VAT1L: variants seen among roughly 807,000 people sequenced by gnomAD.
VAT1L encodes putative NADPH-dependent quinone oxidoreductase VAT1L.
In VAT1L, 34 loss-of-function variants were observed where a neutral mutation model predicts 44.1. The observed-to-expected ratio is 0.77, with a 90% CI of 0.59 to 1.03. The LOEUF is 1.03. Ranked by LOEUF, VAT1L falls within the 50% of genes least tolerant of loss-of-function variation. The pLI is 0.00. For synonymous variants in VAT1L, 253 were observed against 202.2 expected (o/e 1.25, Z -2.13); for missense variants, 615 against 538.8 (o/e 1.14, Z -1.40).
intron 3 of VAT1L, among the ~76,000 whole-genome samples, chr16:77,852,847 A>C (rs1027335147): frequency 6.6e-6 from 1 of 152,166 alleles, no homozygotes; most frequent in African/African-American, 2.4e-5. Context: ...GTGTGACTGT[A>C]GGCTGTTACC....
intron 7 of VAT1L, among the ~76,000 whole-genome samples, chr16:77,946,951 C>T (rs2017975634): frequency 1.3e-5 from 2 of 152,206 alleles, no homozygotes; most frequent in African/African-American, 4.8e-5. Flanking sequence ...GGCAACACCT[C>T]CCTCAACCCC....
intron 4 of VAT1L, among the ~76,000 whole-genome samples, chr16:77,870,183 A>G (rs1236818545): frequency 6.6e-6 from 1 of 152,180 alleles, no homozygotes; most frequent in Non-Finnish European, 1.5e-5. Context: ...GGCACTCTGT[A>G]AGAAGCCTAC....
At chr16:77,892,613 G>T in intron 7 of VAT1L, 2 of 678,564 alleles carry the variant, frequency 2.9e-6, no homozygotes, top group South Asian at 1.4e-5. Flanking sequence ...GTGTCAAGGT[G>T]GTGACTTCAC....
intron 7 of VAT1L, among the ~76,000 whole-genome samples, chr16:77,945,483 T>C (rs2017949913): frequency 6.6e-6 from 1 of 151,886 alleles, no homozygotes; most frequent in South Asian, 2.1e-4. Flanking sequence ...TGAGACAGGC[T>C]CTTACTGTGT....
Position 77,948,817 on chromosome 16 carries a change from A to T in VAT1L, c.1078-23033A>T, listed in dbSNP as rs913390465. Among the ~76,000 whole-genome samples, 3 of 152,166 alleles carry T rather than the reference A, an allele frequency of 2.0e-5. No individual in the cohort carries two copies. The East Asian group carries it at 5.8e-4, about 29-fold the overall frequency. Reference sequence around the variant, plus strand: ...AGGTTAATTAATGTCCCTAATGTTCATCTTCTACATATGTAACATGAGGAT... The same window carrying T: ...AGGTTAATTAATGTCCCTAATGTTCTTCTTCTACATATGTAACATGAGGAT... On this transcript the variant is annotated intron_variant, in intron 7 of 8. Coordinates refer to ENST00000302536, the MANE Select transcript of VAT1L (RefSeq NM_020927.3).
At chr16:77,849,966 T>C (rs1382254716) in intron 3 of VAT1L, among the ~76,000 whole-genome samples, 1 of 152,210 alleles carries the variant, frequency 6.6e-6, no homozygotes, top group African/African-American at 2.4e-5. Flanking sequence ...AATGGAATTG[T>C]TGATCACATC....
intron 8 of VAT1L, among the ~76,000 whole-genome samples, chr16:77,972,765 G>C (rs2018294172): frequency 6.6e-6 from 1 of 151,280 alleles, no homozygotes; most frequent in African/African-American, 2.4e-5. Flanking sequence ...TGGGGGACTA[G>C]AATGAGACTG....
At chr16:77,909,816 T>C (rs535803767) in intron 7 of VAT1L, among the ~76,000 whole-genome samples, 1 of 152,222 alleles carries the variant, frequency 6.6e-6, no homozygotes, top group Admixed American at 6.5e-5. Flanking sequence ...GACCTGGGAT[T>C]TGAACCGACA....
At chr16:77,959,654 A>G (rs57738355) in intron 7 of VAT1L, among the ~76,000 whole-genome samples, 13,431 of 152,148 alleles carry the variant, frequency 0.088, 684 homozygotes, top group African/African-American at 0.13. Context: ...AAGTGCTGTC[A>G]TTTGTACCCT....
At chr16:77,956,786 C>T (rs1025993238) in intron 7 of VAT1L, among the ~76,000 whole-genome samples, 2 of 152,172 alleles carry the variant, frequency 1.3e-5, no homozygotes, top group African/African-American at 4.8e-5. Context: ...CAAATAGAAT[C>T]GCTCTTTTAT....
At chr16:77,938,132 T>A (rs1477784581) in intron 7 of VAT1L, among the ~76,000 whole-genome samples, 1 of 152,196 alleles carries the variant, frequency 6.6e-6, no homozygotes, top group African/African-American at 2.4e-5. Flanking sequence ...ACTTTGGACC[T>A]AATGAATCAG....
At chr16:77,877,797 A>G (rs1440797461) in intron 5 of VAT1L, among the ~76,000 whole-genome samples, 1 of 152,172 alleles carries the variant, frequency 6.6e-6, no homozygotes, top group Admixed American at 6.5e-5. Flanking sequence ...TCTTCAGACC[A>G]TTGTAACAGA....
chr16:77,902,856 C>T (rs2017398617), intron 7 of VAT1L, among the ~76,000 whole-genome samples: 1 of 151,512 alleles, frequency 6.6e-6, no homozygotes, highest in Non-Finnish European at 1.5e-5. Flanking sequence ...TCCTGTATTC[C>T]CAGCTACTTG....
At chr16:77,888,888 G>C (rs1395868150) in intron 7 of VAT1L, among the ~76,000 whole-genome samples, 1 of 152,156 alleles carries the variant, frequency 6.6e-6, no homozygotes, top group Non-Finnish European at 1.5e-5. Context: ...AGAAAGGAGA[G>C]AGACAGCTGT....
intron 7 of VAT1L, among the ~76,000 whole-genome samples, chr16:77,923,755 G>T (rs2017636899): frequency 6.6e-6 from 1 of 152,106 alleles, no homozygotes; most frequent in Admixed American, 6.6e-5. Context: ...CACAGTTTTT[G>T]AAAACAAAGT....
At position 77,926,001 on chromosome 16, in the gene VAT1L, A is replaced by G. The variant is rs551087966; in HGVS notation, c.1077+41199A>G. On this transcript the variant is annotated intron_variant, in intron 7 of 8. Transcript: ENST00000302536. Reference sequence around the variant, plus strand: ...GTCGGGGCCGGGTGCGGTGGCTCATACCTGTAATCCTAGCACTTTGGGAGG... The same window carrying G: ...GTCGGGGCCGGGTGCGGTGGCTCATGCCTGTAATCCTAGCACTTTGGGAGG... Among the ~76,000 whole-genome samples the G allele has an allele frequency of 1.9e-4, 29 of 152,076 alleles. No individual in the cohort carries two copies. The East Asian group carries it at 2.9e-3, about 15-fold the overall frequency.
intron 1 of VAT1L, among the ~76,000 whole-genome samples, chr16:77,812,115 T>C (rs918283439): frequency 6.7e-6 from 1 of 149,552 alleles, no homozygotes; most frequent in Admixed American, 6.7e-5. Context: ...AGAGTCTCGC[T>C]CTGCCACCCA....
rs1159537827 is a variant in VAT1L, at chr16:77,951,511, A to G, written c.1078-20339A>G. On this transcript the variant is annotated intron_variant, in intron 7 of 8. Coordinates refer to ENST00000302536, the MANE Select transcript of VAT1L (RefSeq NM_020927.3). ...CAGTGAGCCGAGATTGCGCCACCGCACTCCAGCCAGGGCAATGGAGTGAGA... is the reference window on the plus strand; with the variant it reads ...CAGTGAGCCGAGATTGCGCCACCGCGCTCCAGCCAGGGCAATGGAGTGAGA... Among the ~76,000 whole-genome samples, 5 of 152,120 alleles carry G rather than the reference A, an allele frequency of 3.3e-5. No individual in the cohort carries two copies. The East Asian group carries it at 5.8e-4, about 18-fold the overall frequency.
rs114303658 is a variant in VAT1L, at chr16:77,887,091, T to C, written c.1077+2289T>C. Among the ~76,000 whole-genome samples, 1,299 of 152,246 alleles carry C rather than the reference T, an allele frequency of 8.5e-3. 18 individuals carry two copies. The highest frequency in any genetic ancestry group is 0.029 in the African/African-American group (1,219 of 41,552). ...GGAAGGTTTCTCTCAATAGGTATCATTGGAGCTGGAACATGAAAGAGGCAA... is the reference window on the plus strand; with the variant it reads ...GGAAGGTTTCTCTCAATAGGTATCACTGGAGCTGGAACATGAAAGAGGCAA... On this transcript the variant is annotated intron_variant, in intron 7 of 8. Coordinates refer to ENST00000302536, the MANE Select transcript of VAT1L (RefSeq NM_020927.3).
Sources: allele counts gnomAD v4.1 joint callset (sites outside exome capture counted in the v4.1 genomes callset), GRCh38; gene constraint gnomAD v4.1.1; transcripts MANE v1.5; gene names NCBI Gene and HGNC (gene_info 2026-07-23, HGNC 2026-07-21).